Variants in DNAI3 observed in about 807,000 individuals in gnomAD.
DNAI3 encodes WD repeat domain 63.
In DNAI3, 83 loss-of-function variants were observed where a neutral mutation model predicts 115.5. That is an observed-to-expected ratio of 0.72 (90% CI 0.60 to 0.86). The LOEUF is 0.86. Among genes scored for constraint, DNAI3 ranks in the 40% least tolerant of loss-of-function variants. The pLI, the probability that DNAI3 is intolerant of heterozygous loss-of-function variation, is 0.00. For missense variants in DNAI3, 1,004 were observed against 1,075.8 expected (o/e 0.93, Z 0.93); for synonymous variants, 320 against 347.0 (o/e 0.92, Z 0.86).
At chr1:85,082,507 A>G in intron 5 of DNAI3, 103 bp downstream of exon 5, 1 of 864,212 alleles carries the variant, frequency 1.2e-6, no homozygotes, top group Non-Finnish European at 1.9e-6. Flanking sequence ...GTGCAGTGGC[A>G]CAATCATGGT....
chr1:85,101,577 A>G (rs1291173199), intron 13 of DNAI3, among the ~76,000 whole-genome samples: 1 of 151,902 alleles, frequency 6.6e-6, no homozygotes, highest in Non-Finnish European at 1.5e-5. Context: ...ACAAAAACAA[A>G]ATTAGCCGGG....
rs768063455 is a variant in DNAI3, at chr1:85,085,854, A to G, written c.564A>G (p.Lys188=). 1.9e-6 allele frequency: 3 copies of G among 1,614,132 alleles called. No individual in the cohort carries two copies. Among genetic ancestry groups the G allele is most frequent in the Non-Finnish European group, 2.5e-6 (3 of 1,180,000 alleles). The change falls in exon 7 of 23, where the codon AAA becomes AAG. Residue 188 remains lysine (K), a synonymous_variant. Coordinates refer to ENST00000294664, the MANE Select transcript of DNAI3 (RefSeq NM_145172.5). ...TKQITYMISR[K]RSEFGAPIKF... ...AGATTACATATATGATTTCTCGAAAACGAAGTGAATTTGGTGCACCAATTA... is the reference window on the plus strand; with the variant it reads ...AGATTACATATATGATTTCTCGAAAGCGAAGTGAATTTGGTGCACCAATTA...
chr1:85,120,573 A>G (rs1655967869), intron 17 of DNAI3, among the ~76,000 whole-genome samples: 1 of 152,200 alleles, frequency 6.6e-6, no homozygotes, highest in African/African-American at 2.4e-5. Flanking sequence ...TGTACTGGCT[A>G]TGAGACCCAG....
At chr1:85,086,852 A>G (rs1289545728) in intron 7 of DNAI3, among the ~76,000 whole-genome samples, 2 of 151,932 alleles carry the variant, frequency 1.3e-5, no homozygotes, top group Non-Finnish European at 2.9e-5. Context: ...ATTAAAATGC[A>G]AGTCAGATCA....
intron 8 of DNAI3, 73 bp from the exon 9 acceptor site, chr1:85,093,385 G>A (rs1431881558): frequency 1.5e-6 from 2 of 1,370,602 alleles, no homozygotes; most frequent in Non-Finnish European, 2.0e-6. Context: ...AGGAGGAGGA[G>A]TTGCTAAGAT....
intron 13 of DNAI3, among the ~76,000 whole-genome samples, chr1:85,103,946 AG>A (rs754185473): frequency 8.7e-5 from 13 of 148,940 alleles, no homozygotes; most frequent in Non-Finnish European, 1.6e-4. Context: ...ATGAATATAT[AG>A]GTAAATGTTC....
chr1:85,077,500 G>T (rs1249427549), intron 3 of DNAI3, among the ~76,000 whole-genome samples: 1 of 151,822 alleles, frequency 6.6e-6, no homozygotes, highest in Admixed American at 6.6e-5. Flanking sequence ...TTCTTTTATG[G>T]AATACTTGCC....
chr1:85,132,758 A>C, intron 22 of DNAI3, 97 bp from the exon 23 acceptor site: 1 of 1,459,222 alleles, frequency 6.9e-7, no homozygotes, highest in Non-Finnish European at 9.2e-7. Flanking sequence ...AGAAAACAGC[A>C]GCCAGGTCAA....
chr1:85,077,859 A>T (rs1654509802), intron 3 of DNAI3, among the ~76,000 whole-genome samples: 1 of 149,536 alleles, frequency 6.7e-6, no homozygotes, highest in African/African-American at 2.5e-5. Flanking sequence ...AAAAAACTAG[A>T]TAGCAACCAA....
intron 13 of DNAI3, 132 bp from the exon 14 acceptor site, chr1:85,104,392 A>AT: frequency 3.0e-6 from 2 of 669,606 alleles, no homozygotes. Context: ...GAATGCTGGG[A>AT]TTACAGGCGT....
At position 85,108,012 on chromosome 1, in the gene DNAI3, AT is replaced by A; in HGVS notation, c.1554-20del. On this transcript the variant is annotated intron_variant, in intron 14 of 22. Coordinates refer to ENST00000294664, the MANE Select transcript of DNAI3 (RefSeq NM_145172.5). ...ACCTCTTGTTTGTACTTAATAAAAA[AT>A]ATATATAAATTTTTTTTAGCACAAT... 7.0e-7 allele frequency: 1 copy of A among 1,428,714 alleles called. No individual in the cohort carries two copies. The highest frequency in any genetic ancestry group is 9.1e-7 in the Non-Finnish European group (1 of 1,095,022). The allele number at this position is 1,428,714 out of a possible 1,614,324, so 88.5% of individuals were successfully genotyped here. A position where few individuals can be genotyped will look rare whatever the true frequency, so the allele number is the denominator to read the frequency against.
chr1:85,097,112 T>C (rs1655148219), intron 11 of DNAI3, among the ~76,000 whole-genome samples: 2 of 152,042 alleles, frequency 1.3e-5, no homozygotes, highest in Admixed American at 6.6e-5. Flanking sequence ...TCTAGATACA[T>C]AAGAATTCAG....
intron 1 of DNAI3, among the ~76,000 whole-genome samples, chr1:85,067,271 T>C (rs1654130259): frequency 6.6e-6 from 1 of 152,234 alleles, no homozygotes; most frequent in African/African-American, 2.4e-5. Flanking sequence ...CTAGTCACTC[T>C]GCCCTTAGTC....
chr1:85,099,334 T>C, intron 13 of DNAI3: 1 of 960,388 alleles, frequency 1.0e-6, no homozygotes, highest in Non-Finnish European at 1.2e-6. Context: ...TATACACCAA[T>C]AACAGACAGA....
In DNAI3 at chr1:85,085,701, A is replaced by G. The variant is rs961498157; in HGVS notation, c.541-130A>G. 3 of 731,084 alleles carry G rather than the reference A, an allele frequency of 4.1e-6. No individual in the cohort carries two copies. In the African/African-American group the frequency reaches 5.4e-5, roughly 13 times the overall value. The allele number at this position is 731,084 out of a possible 1,614,324, so 45.3% of individuals were successfully genotyped here. A position where few individuals can be genotyped will look rare whatever the true frequency, so the allele number is the denominator to read the frequency against. On this transcript the variant is annotated intron_variant, in intron 6 of 22. Transcript: ENST00000294664. ...GAGCGGGTGCTGCTCATGTGAATGGAAAGCATGCAGAGCTGGAGGTGCTCA... is the reference window on the plus strand; with the variant it reads ...GAGCGGGTGCTGCTCATGTGAATGGGAAGCATGCAGAGCTGGAGGTGCTCA...
chr1:85,127,077 G>A (rs1236543239), intron 20 of DNAI3, among the ~76,000 whole-genome samples: 2 of 151,962 alleles, frequency 1.3e-5, no homozygotes, highest in Non-Finnish European at 2.9e-5. Flanking sequence ...CCGGATCTTT[G>A]TTATCTTTTG....
intron 16 of DNAI3, among the ~76,000 whole-genome samples, chr1:85,116,985 C>G (rs17121667): frequency 0.016 from 2,446 of 152,006 alleles, 65 homozygotes; most frequent in African/African-American, 0.056. Context: ...GTTTTATTCT[C>G]CTGTTTTAGT....
chr1:85,108,825 A>G (rs181340728), intron 15 of DNAI3, among the ~76,000 whole-genome samples: 148 of 152,344 alleles, frequency 9.7e-4, no homozygotes, highest in African/African-American at 3.4e-3. Flanking sequence ...GGTAGAAATC[A>G]AAATCATCAT....
At chr1:85,120,118 T>C (rs1655948638) in intron 17 of DNAI3, among the ~76,000 whole-genome samples, 1 of 152,256 alleles carries the variant, frequency 6.6e-6, no homozygotes, top group African/African-American at 2.4e-5. Context: ...TGCCAGGCAT[T>C]GCTCTTGGCC....
Sources: allele counts gnomAD v4.1 joint callset (sites outside exome capture counted in the v4.1 genomes callset), GRCh38; gene constraint gnomAD v4.1.1; transcripts MANE v1.5; gene names NCBI Gene and HGNC (gene_info 2026-07-23, HGNC 2026-07-21).